Variants in WWOX observed in about 807,000 individuals in gnomAD.
WWOX encodes the protein WW domain-containing oxidoreductase.
WWOX carries 69 observed loss-of-function variants against 46.2 expected under a neutral mutation model. That is an observed-to-expected ratio of 1.49 (90% CI 1.23 to 1.82). The LOEUF (loss-of-function observed/expected upper bound fraction) is 1.82, where lower values mean the gene tolerates loss of function less well. Ranked by LOEUF, WWOX falls within the 40% of genes most tolerant of loss-of-function variation. WWOX has a pLI of 0.00. For synonymous variants in WWOX, 359 were observed against 202.6 expected, an observed-to-expected ratio of 1.77 and a Z score of -6.56; for missense variants, 919 against 542.6, an observed-to-expected ratio of 1.69 and a Z score of -6.89.
chr16:79,107,796 T>C (rs1054674281), intron 8 of WWOX, among the ~76,000 whole-genome samples: 1 of 152,226 alleles, frequency 6.6e-6, no homozygotes, highest in Non-Finnish European at 1.5e-5. Flanking sequence ...TATCAGGTAA[T>C]GATCACAAAA....
chr16:78,123,462 T>G (rs1308631956), intron 4 of WWOX: 2 of 99,190 alleles, frequency 2.0e-5, no homozygotes, highest in African/African-American at 4.6e-5. Context: ...TTTGTTTTTT[T>G]TTTTTGTTTT....
chr16:79,052,979 G>T (rs1378804484), intron 8 of WWOX, among the ~76,000 whole-genome samples: 2 of 151,430 alleles, frequency 1.3e-5, no homozygotes, highest in Non-Finnish European at 2.9e-5. Context: ...GGTTGGGATG[G>T]GGGGGTGGGT....
intron 8 of WWOX, among the ~76,000 whole-genome samples, chr16:78,742,559 A>T (rs1361296788): frequency 6.6e-6 from 1 of 152,186 alleles, no homozygotes; most frequent in East Asian, 1.9e-4. Flanking sequence ...ATGACAAATC[A>T]GTTTCTAGGG....
At chr16:78,311,001 G>C (rs2151874683) in intron 5 of WWOX, among the ~76,000 whole-genome samples, 2 of 152,324 alleles carry the variant, frequency 1.3e-5, no homozygotes, top group South Asian at 4.1e-4. Context: ...GCGTGGCTTA[G>C]AGGAAGATTT....
intron 5 of WWOX, among the ~76,000 whole-genome samples, chr16:78,381,036 C>A (rs1410368111): frequency 6.6e-6 from 1 of 152,154 alleles, no homozygotes; most frequent in East Asian, 1.9e-4. Context: ...CAGATCCTTC[C>A]AGTAGCTTTC....
chr16:78,989,856 G>GTGTGTGTGTT (rs1555507884), intron 8 of WWOX, among the ~76,000 whole-genome samples: 2 of 149,724 alleles, frequency 1.3e-5, no homozygotes, highest in East Asian at 4.0e-4. Context: ...GTGTGTGTGT[G>GTGTGTGTGTT]ATTGAGAGAG....
intron 8 of WWOX, among the ~76,000 whole-genome samples, chr16:78,811,079 C>T (rs918397237): frequency 1.3e-5 from 2 of 152,140 alleles, no homozygotes; most frequent in Non-Finnish European, 2.9e-5. Context: ...GCCAGTAAGA[C>T]AACTCCTCTT....
chr16:78,395,403 C>T (rs1212314013), intron 6 of WWOX, among the ~76,000 whole-genome samples: 1 of 152,134 alleles, frequency 6.6e-6, no homozygotes, highest in Non-Finnish European at 1.5e-5. Context: ...CCTGTAGTCC[C>T]AGCTGCTTGG....
At chr16:78,142,466 T>C (rs981944041) in intron 4 of WWOX, among the ~76,000 whole-genome samples, 2 of 152,218 alleles carry the variant, frequency 1.3e-5, no homozygotes, top group African/African-American at 4.8e-5. Context: ...CCCTAGTAGC[T>C]GGGTGTTCAA....
At chr16:78,912,318 T>C (rs1188674003) in intron 8 of WWOX, among the ~76,000 whole-genome samples, 2 of 152,002 alleles carry the variant, frequency 1.3e-5, no homozygotes, top group Admixed American at 1.3e-4. Context: ...ACCTTATGTG[T>C]GTTATTTTAT....
Position 78,878,892 on chromosome 16 carries a change from CA to C in WWOX, c.1057-332709del, listed in dbSNP as rs1351313742. The stretch of plus-strand genomic sequence containing the variant: ...GCAAGATAGCAAAATACTATCTCTA[CA>C]AAAAAATGAAAAAAAAAAAAAAAAA... On this transcript the variant is annotated intron_variant, in intron 8 of 8. Transcript: ENST00000566780. Among the ~76,000 whole-genome samples, 30 of 32,022 alleles carry C rather than the reference CA, an allele frequency of 9.4e-4. 1 individual carries two copies. Among genetic ancestry groups the C allele is most frequent in the African/African-American group, 4.1e-3 (30 of 7,362 alleles). The allele number at this position is 32,022 out of a possible 152,430, so 21.0% of individuals were successfully genotyped here. A position where few individuals can be genotyped will look rare whatever the true frequency, so the allele number is the denominator to read the frequency against.
chr16:78,775,014 G>A (rs577013943), intron 8 of WWOX, among the ~76,000 whole-genome samples: 5 of 152,266 alleles, frequency 3.3e-5, no homozygotes, highest in African/African-American at 1.2e-4. Flanking sequence ...GGTAAGTTGG[G>A]CAGATGGCGA....
intron 8 of WWOX, among the ~76,000 whole-genome samples, chr16:78,701,628 T>TCTTTCCCTCTCCTC (rs1361778085): frequency 5.9e-4 from 90 of 152,096 alleles, no homozygotes; most frequent in African/African-American, 2.1e-3. Context: ...CCACACTCCT[T>TCTTTCCCTCTCCTC]CTTTCCCTCT....
chr16:78,549,891 A>G (rs1340363547), intron 8 of WWOX, among the ~76,000 whole-genome samples: 2 of 152,192 alleles, frequency 1.3e-5, no homozygotes, highest in African/African-American at 2.4e-5. Flanking sequence ...TTATTTAGCC[A>G]GATAAAATAA....
intron 8 of WWOX, among the ~76,000 whole-genome samples, chr16:78,540,011 C>G (rs976876756): frequency 1.5e-5 from 2 of 130,110 alleles, no homozygotes; most frequent in African/African-American, 2.7e-5. Context: ...CTCTCTCTCT[C>G]TCTCTCTCTC....
rs1192115848 is a variant in WWOX at position 78,380,280 on chromosome 16, T to C, written c.517-6580T>C. 2.6e-5 allele frequency among the ~76,000 whole-genome samples: 4 copies of C among 152,308 alleles called. No homozygotes were observed. In the East Asian group the frequency reaches 7.7e-4, roughly 29 times the overall value. ...AGTGTGGACATAATGGAATATGGAA[T>C]AGCAATTGAAATCTTGCGTTGGGCT... On this transcript the variant is annotated intron_variant, in intron 5 of 8. Transcript: ENST00000566780.
At chr16:79,030,583 G>A (rs1280426709) in intron 8 of WWOX, among the ~76,000 whole-genome samples, 3 of 152,176 alleles carry the variant, frequency 2.0e-5, no homozygotes, top group African/African-American at 4.8e-5. Flanking sequence ...GTCTTGGTCC[G>A]TCTCATTTAA....
intron 5 of WWOX, among the ~76,000 whole-genome samples, chr16:78,272,608 T>TTATTA (rs2079500805): frequency 2.0e-5 from 3 of 152,170 alleles, no homozygotes; most frequent in African/African-American, 7.2e-5. Flanking sequence ...TAATAGCATC[T>TTATTA]CCCTCATTAC....
intron 8 of WWOX, among the ~76,000 whole-genome samples, chr16:78,816,772 G>GT (rs1048968459): frequency 5.9e-5 from 9 of 151,708 alleles, no homozygotes; most frequent in Admixed American, 1.3e-4. Context: ...TTGTGGCTCA[G>GT]TTTTTTTTGG....
Sources: allele counts gnomAD v4.1 joint callset (sites outside exome capture counted in the v4.1 genomes callset), GRCh38; gene constraint gnomAD v4.1.1; transcripts MANE v1.5; gene names NCBI Gene and HGNC (gene_info 2026-07-23, HGNC 2026-07-21).